The following ZNF469 variants were observed in gnomAD, a reference collection of about 807,000 sequenced individuals.
ZNF469 encodes zinc finger protein 469.
ZNF469 carries 1 observed loss-of-function variant against 1.0 expected under a neutral mutation model. The ratio of observed to expected loss-of-function variants is 1.00; its 90% CI spans 0.35 to 4.73. ZNF469 has a LOEUF of 4.73. ZNF469 is among the 30% of genes most tolerant of loss of function. The pLI, the probability that ZNF469 is intolerant of heterozygous loss-of-function variation, is 0.16. For synonymous variants in ZNF469, 2,703 were observed against 2,363.4 expected, an observed-to-expected ratio of 1.14 and a Z score of -4.17; for missense variants, 6,100 against 5,356.3, an observed-to-expected ratio of 1.14 and a Z score of -4.33.
the ZNF469 span, among the ~76,000 whole-genome samples, chr16:88,102,056 C>G: frequency 2.1e-5 from 3 of 140,150 alleles, no homozygotes; most frequent in South Asian, 5.6e-4. Flanking sequence ...GACATTCACC[C>G]CCCCACCCCC....
chr16:88,292,044 C>G, the ZNF469 span, among the ~76,000 whole-genome samples: 1 of 152,170 alleles, frequency 6.6e-6, no homozygotes, highest in Non-Finnish European at 1.5e-5. Context: ...GTGTCAGGTC[C>G]CAGGAGTCTG....
chr16:88,171,008 G>A, the ZNF469 span, among the ~76,000 whole-genome samples: 6 of 152,112 alleles, frequency 3.9e-5, no homozygotes, highest in African/African-American at 9.6e-5. Flanking sequence ...ACTCACCCTA[G>A]GACAACCTCT....
chr16:88,312,881 C>T, the ZNF469 span, among the ~76,000 whole-genome samples: 8 of 152,340 alleles, frequency 5.3e-5, no homozygotes, highest in South Asian at 4.1e-4. Flanking sequence ...ATGGACTCCA[C>T]GCCTCCATGC....
the ZNF469 span, among the ~76,000 whole-genome samples, chr16:88,128,888 C>T: frequency 1.3e-5 from 2 of 152,224 alleles, no homozygotes; most frequent in African/African-American, 4.8e-5. Flanking sequence ...GAACTCCCCT[C>T]GCCAGCATCT....
chr16:88,362,168 T>C, the ZNF469 span, among the ~76,000 whole-genome samples: 3 of 152,232 alleles, frequency 2.0e-5, no homozygotes, highest in Non-Finnish European at 4.4e-5. Flanking sequence ...AATCAGTTTG[T>C]CAATTTCTAT....
chr16:88,244,350 T>C, the ZNF469 span, among the ~76,000 whole-genome samples: 2 of 150,054 alleles, frequency 1.3e-5, no homozygotes, highest in Admixed American at 6.6e-5. Flanking sequence ...AGTGGATGGG[T>C]GAATGGGTGG....
the ZNF469 span, among the ~76,000 whole-genome samples, chr16:88,256,859 T>TTTCC: frequency 6.7e-6 from 1 of 150,294 alleles, no homozygotes; most frequent in African/African-American, 2.5e-5. Flanking sequence ...TTCCTTCCTT[T>TTTCC]TTCCTTCCTT....
At chr16:88,423,406 A>G (rs1489401659) in intron 1 of ZNF469, among the ~76,000 whole-genome samples, 2 of 152,132 alleles carry the variant, frequency 1.3e-5, no homozygotes, top group African/African-American at 4.8e-5. Context: ...GCCTCAGTCT[A>G]TACATCTCTG....
At chr16:88,274,904 G>T in the ZNF469 span, among the ~76,000 whole-genome samples, 1 of 152,238 alleles carries the variant, frequency 6.6e-6, no homozygotes, top group Non-Finnish European at 1.5e-5. Context: ...CTGGCCCCCA[G>T]GCAACAGCCG....
chr16:88,110,722 G>A, the ZNF469 span, among the ~76,000 whole-genome samples: 54 of 152,182 alleles, frequency 3.5e-4, no homozygotes, highest in East Asian at 7.9e-3. Flanking sequence ...CTTTTCCATC[G>A]AAGGTGGGGA....
In ZNF469 at chr16:88,438,190, G is replaced by A; in HGVS notation, c.10720G>A (p.Ala3574Thr). ...CAGAGGAGACTGCGCGCTGGACGGA[G>A]CCCTGGAGAGGCCAGAGAACGAGGC... is the stretch of plus-strand genomic sequence containing the variant. ...DGRGDCALDG[A>T]LERPENEASP... Residue 3574 changes from alanine (A) to threonine (T), a missense_variant, in exon 3 of 3, where the codon GCC (alanine) becomes ACC (threonine). Transcript: ENST00000565624. The A allele has an allele frequency of 6.5e-7, 1 of 1,548,092 alleles. No homozygotes were observed. The highest frequency in any genetic ancestry group is 1.2e-5 in the South Asian group (1 of 83,998).
At chr16:88,141,217 C>T in the ZNF469 span, among the ~76,000 whole-genome samples, 1 of 152,206 alleles carries the variant, frequency 6.6e-6, no homozygotes, top group African/African-American at 2.4e-5. Context: ...AGACTTTCTA[C>T]CCCAAATTCT....
chr16:88,144,763 G>A, the ZNF469 span, among the ~76,000 whole-genome samples: 1 of 152,132 alleles, frequency 6.6e-6, no homozygotes, highest in African/African-American at 2.4e-5. Flanking sequence ...GTTGGGTTTT[G>A]TAGCTGTTTT....
the ZNF469 span, among the ~76,000 whole-genome samples, chr16:88,104,593 G>A: frequency 1.3e-5 from 2 of 152,248 alleles, no homozygotes; most frequent in African/African-American, 4.8e-5. Context: ...GTGGCCCTTT[G>A]GGAGTGTCTC....
intron 1 of ZNF469, among the ~76,000 whole-genome samples, chr16:88,388,638 G>A (rs912660163): frequency 5.3e-5 from 8 of 152,272 alleles, no homozygotes; most frequent in East Asian, 1.9e-4. Context: ...CAGAGGGGGC[G>A]TGGGAGCCAG....
the ZNF469 span, among the ~76,000 whole-genome samples, chr16:88,239,701 ATATATATATATATATTTTTTTTTT>A: frequency 4.6e-4 from 4 of 8,668 alleles, no homozygotes; most frequent in African/African-American, 3.2e-3. Flanking sequence ...ATATATATAT[ATATATATATATATATTTTTTTTTT>A]TTTTTTTTTT....
chr16:88,432,249 G>A lies in ZNF469; in HGVS notation c.4779G>A (p.Ser1593=), dbSNP rs774473871. ...GAPRELAEAE[S]VGRVELGTGT... Reference sequence around the variant, plus strand: ...CGAGAGAGCTTGCAGAAGCTGAGTCGGTGGGCAGGGTGGAGCTCGGCACAG... The same window carrying A: ...CGAGAGAGCTTGCAGAAGCTGAGTCAGTGGGCAGGGTGGAGCTCGGCACAG... Residue 1593 remains serine (S), a synonymous_variant, in exon 3 of 3, where the codon TCG becomes TCA. Coordinates refer to ENST00000565624, the MANE Select transcript of ZNF469 (RefSeq NM_001367624.2). 46 of 1,548,428 alleles carry A rather than the reference G, an allele frequency of 3.0e-5. No individual in the cohort carries two copies. The highest frequency in any genetic ancestry group is 5.9e-5 in the South Asian group (5 of 84,056).
chr16:88,222,372 T>G, the ZNF469 span, among the ~76,000 whole-genome samples: 1 of 152,158 alleles, frequency 6.6e-6, no homozygotes, highest in African/African-American at 2.4e-5. Context: ...CACTGCAGCC[T>G]CAACCTCCTG....
the ZNF469 span, among the ~76,000 whole-genome samples, chr16:88,330,115 C>T: frequency 2.6e-4 from 39 of 152,356 alleles, no homozygotes; most frequent in African/African-American, 9.1e-4. Flanking sequence ...TTCTGACTTT[C>T]GGTTAGAGCG....
Sources: gnomAD v4.1 joint callset for allele counts (sites outside exome capture counted in the v4.1 genomes callset) on GRCh38, gnomAD v4.1.1 for gene constraint, MANE v1.5 for transcripts, NCBI Gene and HGNC (gene_info 2026-07-23, HGNC 2026-07-21) for gene names.